The following LRFN2 variants were observed in gnomAD, a reference collection of about 807,000 sequenced individuals.
LRFN2 encodes the protein leucine-rich repeat and fibronectin type-III domain-containing protein 2.
A neutral mutation model predicts 37.3 loss-of-function variants in LRFN2; 18 were observed. That is an observed-to-expected ratio of 0.48 (90% CI 0.33 to 0.72). The LOEUF is 0.72. Among genes scored for constraint, LRFN2 ranks in the 30% least tolerant of loss-of-function variants. The probability of loss-of-function intolerance (pLI) is 0.02; values close to 1 mark genes in which losing one functional copy is unlikely to be tolerated. For missense variants in LRFN2, 1,006 were observed against 1,060.7 expected (o/e 0.95, Z 0.72); for synonymous variants, 556 against 466.6 (o/e 1.19, Z -2.47).
At chr6:40,417,663 A>T (rs115940565) in intron 2 of LRFN2, among the ~76,000 whole-genome samples, 1 of 152,122 alleles carries the variant, frequency 6.6e-6, no homozygotes, top group Non-Finnish European at 1.5e-5. Context: ...CTCTCCACTC[A>T]CGGCTATGAG....
intron 1 of LRFN2, among the ~76,000 whole-genome samples, chr6:40,545,234 C>G (rs1450914571): frequency 6.6e-6 from 1 of 152,202 alleles, no homozygotes; most frequent in Non-Finnish European, 1.5e-5. Flanking sequence ...GCTTAGGCCT[C>G]TAATGCTGGA....
chr6:40,413,803 C>T (rs1763027878), intron 2 of LRFN2, among the ~76,000 whole-genome samples: 1 of 152,126 alleles, frequency 6.6e-6, no homozygotes, highest in African/African-American at 2.4e-5. Flanking sequence ...GCCCTCCCCT[C>T]CTGAAGCACC....
At chr6:40,451,111 GT>G (rs1764093872) in intron 1 of LRFN2, among the ~76,000 whole-genome samples, 1 of 152,198 alleles carries the variant, frequency 6.6e-6, no homozygotes, top group Admixed American at 6.5e-5. Flanking sequence ...AGGAGAGGAG[GT>G]TTTGTTTGTT....
intron 1 of LRFN2, among the ~76,000 whole-genome samples, chr6:40,572,191 G>A (rs149795743): frequency 6.6e-6 from 1 of 152,344 alleles, no homozygotes; most frequent in East Asian, 1.9e-4. Context: ...TCACTAGGAC[G>A]TAGAGATGAT....
intron 1 of LRFN2, among the ~76,000 whole-genome samples, chr6:40,492,837 C>A (rs1032074427): frequency 6.6e-6 from 1 of 152,166 alleles, no homozygotes; most frequent in African/African-American, 2.4e-5. Flanking sequence ...CACAGGAACA[C>A]CCCTCCCAAT....
intron 1 of LRFN2, among the ~76,000 whole-genome samples, chr6:40,435,502 A>G (rs1197754900): frequency 6.6e-5 from 10 of 151,786 alleles, no homozygotes; most frequent in Non-Finnish European, 1.5e-4. Flanking sequence ...CAGTTTGAGG[A>G]GCACAGATGC....
intron 2 of LRFN2, among the ~76,000 whole-genome samples, chr6:40,424,627 A>G (rs1024011488): frequency 1.3e-5 from 2 of 152,136 alleles, no homozygotes; most frequent in Admixed American, 6.5e-5. Context: ...GTTCATTTTG[A>G]TCCGGGCTCT....
intron 2 of LRFN2, among the ~76,000 whole-genome samples, chr6:40,416,813 G>T (rs1212611035): frequency 1.3e-5 from 2 of 152,122 alleles, no homozygotes; most frequent in African/African-American, 2.4e-5. Context: ...AACCCACTTC[G>T]CCATCTCCCA....
In LRFN2 at chr6:40,392,322, T is replaced by A; in HGVS notation, c.1991A>T (p.Asp664Val). ...CTCCTCCTTTCTCTGACTCTTGAGGTCCAGGGAGGCGAAGGCCCCCATCAG... is the reference window on the plus strand; with the variant it reads ...CTCCTCCTTTCTCTGACTCTTGAGGACCAGGGAGGCGAAGGCCCCCATCAG... ...DRLMGAFASL[D>V]LKSQRKEELL... The change falls in exon 3 of 3, where the codon GAC becomes GTC. Residue 664 changes from aspartate to valine, a missense_variant. Transcript: ENST00000338305. The surrounding 1 kb of genome is among the most constrained non-coding windows in gnomAD (Gnocchi z 4.7). 2 of 1,610,910 alleles carry A rather than the reference T, an allele frequency of 1.2e-6. No individual in the cohort carries two copies. Among genetic ancestry groups the A allele is most frequent in the Non-Finnish European group, 1.7e-6 (2 of 1,178,916 alleles).
At chr6:40,407,582 AG>A (rs1218808262) in intron 2 of LRFN2, among the ~76,000 whole-genome samples, 1 of 152,262 alleles carries the variant, frequency 6.6e-6, no homozygotes, top group African/African-American at 2.4e-5. Flanking sequence ...GGAGGAGCTG[AG>A]AAGAGCTTGT....
rs533200223 is a variant in LRFN2 at position 40,442,570 on chromosome 6, CT to C, written c.-18-9440del. ...GGGCTCCCTGAGGACGGGGCCGCGTCTCCCCTCAGACTGGGGCTCTCTGAGG... is the reference window on the plus strand; with the variant it reads ...GGGCTCCCTGAGGACGGGGCCGCGTCCCCCTCAGACTGGGGCTCTCTGAGG... On this transcript the variant is annotated intron_variant, in intron 1 of 2. Coordinates refer to ENST00000338305, the MANE Select transcript of LRFN2 (RefSeq NM_020737.3). Among the ~76,000 whole-genome samples the C allele has an allele frequency of 9.5e-4, 145 of 152,028 alleles. 1 individual carries two copies. Among genetic ancestry groups the C allele is most frequent in the African/African-American group, 3.3e-3 (135 of 41,482 alleles).
intron 2 of LRFN2, among the ~76,000 whole-genome samples, chr6:40,410,742 C>T (rs1403302939): frequency 6.6e-6 from 1 of 152,176 alleles, no homozygotes; most frequent in African/African-American, 2.4e-5. Flanking sequence ...CTCCTGGTGG[C>T]AGAAGATGAG....
At chr6:40,515,931 G>A (rs1433851949) in intron 1 of LRFN2, among the ~76,000 whole-genome samples, 1 of 148,494 alleles carries the variant, frequency 6.7e-6, no homozygotes, top group Non-Finnish European at 1.5e-5. Context: ...TTCAACCATT[G>A]CCTCAGCATA....
intron 1 of LRFN2, among the ~76,000 whole-genome samples, chr6:40,474,913 T>G (rs1238864158): frequency 6.6e-6 from 1 of 152,240 alleles, no homozygotes; most frequent in Non-Finnish European, 1.5e-5. Context: ...CTTCTGTTTC[T>G]TAAAACAAGA....
intron 2 of LRFN2, among the ~76,000 whole-genome samples, chr6:40,417,689 G>A (rs1484705987): frequency 6.6e-6 from 1 of 152,106 alleles, no homozygotes; most frequent in South Asian, 2.1e-4. Flanking sequence ...CCTCAGTGAG[G>A]TTCCCAGGCT....
chr6:40,509,798 C>T (rs1028447729), intron 1 of LRFN2, among the ~76,000 whole-genome samples: 4 of 149,088 alleles, frequency 2.7e-5, no homozygotes, highest in South Asian at 2.1e-4. Context: ...GGGGTGCATG[C>T]GTGCCAGTAT....
At chr6:40,470,932 C>T (rs1764580748) in intron 1 of LRFN2, among the ~76,000 whole-genome samples, 2 of 152,318 alleles carry the variant, frequency 1.3e-5, no homozygotes, top group East Asian at 3.9e-4. Context: ...TGAGTTAATC[C>T]CTCATCCTAC....
At chr6:40,476,225 C>T (rs955553367) in intron 1 of LRFN2, among the ~76,000 whole-genome samples, 1 of 152,206 alleles carries the variant, frequency 6.6e-6, no homozygotes, top group Non-Finnish European at 1.5e-5. Context: ...GGCCTTTTCC[C>T]CCTCCCCACA....
chr6:40,485,802 G>A (rs1308511027), intron 1 of LRFN2, among the ~76,000 whole-genome samples: 1 of 152,232 alleles, frequency 6.6e-6, no homozygotes, highest in Non-Finnish European at 1.5e-5. Context: ...CTTGATTTAA[G>A]TGCCCCCAGA....
Sources: gnomAD v4.1 joint callset for allele counts (sites outside exome capture counted in the v4.1 genomes callset) on GRCh38, gnomAD v4.1.1 for gene constraint, Gnocchi (gnomAD v3.1) non-coding constraint, MANE v1.5 for transcripts, NCBI Gene and HGNC (gene_info 2026-07-23, HGNC 2026-07-21) for gene names.